Variants in ANO3 observed in about 807,000 individuals in gnomAD.
ANO3 encodes the protein anoctamin 3, also known as anoctamin-3.
Under a neutral mutation model 144.8 loss-of-function variants are expected in ANO3, and 99 were observed. The ratio of observed to expected loss-of-function variants is 0.68; its 90% CI spans 0.58 to 0.81. The LOEUF (loss-of-function observed/expected upper bound fraction) is 0.81. ANO3 is among the 30% of genes least tolerant of loss of function. The pLI, the probability that ANO3 is intolerant of heterozygous loss-of-function variation, is 0.00. For synonymous variants in ANO3, 414 were observed against 392.6 expected (o/e 1.05, Z -0.64); for missense variants, 905 against 1,202.2 (o/e 0.75, Z 3.66).
At chr11:26,424,251 C>T (rs974177520) in intron 1 of ANO3, among the ~76,000 whole-genome samples, 1 of 144,268 alleles carries the variant, frequency 6.9e-6, no homozygotes, top group Non-Finnish European at 1.5e-5. Context: ...AAATCTCCCC[C>T]CCCACACACA....
rs1339510801 is a variant in ANO3 at position 26,472,756 on chromosome 11, G to A, written c.432+9608G>A. On this transcript the variant is annotated intron_variant, in intron 4 of 26. Transcript: ENST00000256737. ...TTTAAAACACTTGTCCCTAGCTTGC[G>A]GCTTATAGCCCTTCATCTCCCCATG... Among the ~76,000 whole-genome samples, 5 of 151,750 alleles carry A rather than the reference G, an allele frequency of 3.3e-5. No homozygotes were observed. The East Asian group carries it at 5.8e-4, about 18-fold the overall frequency.
intron 14 of ANO3, among the ~76,000 whole-genome samples, chr11:26,594,983 A>G (rs936069624): frequency 2.6e-5 from 4 of 152,094 alleles, no homozygotes; most frequent in African/African-American, 9.7e-5. Context: ...ATGAGGGTCA[A>G]ATTGGTCCCA....
At chr11:26,484,469 C>T (rs1860363569) in intron 4 of ANO3, among the ~76,000 whole-genome samples, 1 of 152,138 alleles carries the variant, frequency 6.6e-6, no homozygotes, top group Admixed American at 6.5e-5. Context: ...TGCATGTTCA[C>T]AGAGGGCAAG....
chr11:26,637,898 A>G (rs563895841), intron 20 of ANO3, among the ~76,000 whole-genome samples: 9 of 152,286 alleles, frequency 5.9e-5, no homozygotes, highest in African/African-American at 2.2e-4. Context: ...TTCTAAAGAA[A>G]CAGACCCACG....
intron 3 of ANO3, among the ~76,000 whole-genome samples, chr11:26,449,515 ACACACGCACG>A (rs1412559699): frequency 2.2e-5 from 2 of 91,520 alleles, no homozygotes; most frequent in Non-Finnish European, 5.8e-5. Context: ...ACACACACAC[ACACACGCACG>A]CACATCTCTT....
chr11:26,515,281 A>G (rs294013), intron 5 of ANO3, among the ~76,000 whole-genome samples: 119,384 of 151,722 alleles, frequency 0.79, 47,126 homozygotes, highest in East Asian at 0.85. Context: ...TAAGCTATTG[A>G]GAAAAATCAA....
At chr11:26,485,015 T>A (rs1014381471) in intron 4 of ANO3, among the ~76,000 whole-genome samples, 1 of 152,186 alleles carries the variant, frequency 6.6e-6, no homozygotes, top group South Asian at 2.1e-4. Flanking sequence ...CCATTTTATA[T>A]TGGAATCAAC....
At chr11:26,461,556 T>C (rs964734047) in intron 3 of ANO3, among the ~76,000 whole-genome samples, 4 of 152,106 alleles carry the variant, frequency 2.6e-5, no homozygotes, top group Non-Finnish European at 5.9e-5. Flanking sequence ...CAATGTTCTA[T>C]GAAGGCAGAA....
At chr11:26,544,559 T>C (rs115474718) in intron 11 of ANO3, among the ~76,000 whole-genome samples, 1,741 of 144,986 alleles carry the variant, frequency 0.012, 44 homozygotes, top group African/African-American at 0.041. Context: ...TAATGTATTT[T>C]ATGCTTGAAA....
intron 4 of ANO3, among the ~76,000 whole-genome samples, chr11:26,501,903 G>A (rs1861210980): frequency 1.3e-5 from 2 of 152,162 alleles, no homozygotes; most frequent in South Asian, 2.1e-4. Context: ...GTATAAAGAA[G>A]GCTTTTTCAG....
chr11:26,409,150 T>G (rs1857370200), intron 1 of ANO3, among the ~76,000 whole-genome samples: 1 of 150,198 alleles, frequency 6.7e-6, no homozygotes, highest in Non-Finnish European at 1.5e-5. Context: ...AGAACCAGCT[T>G]AGATATCCCT....
intron 1 of ANO3, among the ~76,000 whole-genome samples, chr11:26,337,423 T>C (rs1855222730): frequency 6.6e-6 from 1 of 152,174 alleles, no homozygotes; most frequent in African/African-American, 2.4e-5. Context: ...CTATCTAGAA[T>C]TTTAATTATC....
At chr11:26,561,219 C>T (rs763698649) in intron 14 of ANO3, 39 of 1,600,138 alleles carry the variant, frequency 2.4e-5, no homozygotes, top group South Asian at 2.0e-4. Context: ...ATTGTCTAAT[C>T]GCAGAACTAA....
intron 1 of ANO3, among the ~76,000 whole-genome samples, chr11:26,223,919 C>T (rs1216744105): frequency 1.3e-5 from 2 of 152,144 alleles, no homozygotes; most frequent in African/African-American, 4.8e-5. Context: ...GGATTTTCCC[C>T]CATGACCAAA....
At chr11:26,335,972 A>G (rs1227199021) in intron 1 of ANO3, among the ~76,000 whole-genome samples, 1 of 152,216 alleles carries the variant, frequency 6.6e-6, no homozygotes, top group Non-Finnish European at 1.5e-5. Flanking sequence ...AAAGTGAGAC[A>G]TCTGTGCAGT....
At chr11:26,221,940 G>A (rs11605379) in intron 1 of ANO3, among the ~76,000 whole-genome samples, 48,465 of 151,958 alleles carry the variant, frequency 0.32, 8,187 homozygotes, top group Non-Finnish European at 0.37. Context: ...CATGAGATTT[G>A]GAGGGAACAC....
chr11:26,533,463 A>C (rs529532548), intron 8 of ANO3, among the ~76,000 whole-genome samples: 1 of 152,334 alleles, frequency 6.6e-6, no homozygotes, highest in East Asian at 1.9e-4. Context: ...GCTGTTAGAC[A>C]TATAAAACTG....
At chr11:26,359,965 CATAA>C (rs1325071494) in intron 1 of ANO3, among the ~76,000 whole-genome samples, 4 of 144,620 alleles carry the variant, frequency 2.8e-5, no homozygotes, top group African/African-American at 5.0e-5. Context: ...TGTAAATCAA[CATAA>C]ATTTTATATT....
At chr11:26,521,106 A>G (rs1252610108) in intron 6 of ANO3, among the ~76,000 whole-genome samples, 1 of 152,114 alleles carries the variant, frequency 6.6e-6, no homozygotes, top group Non-Finnish European at 1.5e-5. Context: ...ATAGCAGCCA[A>G]CTCATAATAA....
Sources: allele counts gnomAD v4.1 joint callset (sites outside exome capture counted in the v4.1 genomes callset), GRCh38; gene constraint gnomAD v4.1.1; transcripts MANE v1.5; gene names NCBI Gene and HGNC (gene_info 2026-07-23, HGNC 2026-07-21).